The following CYRIB variants were observed in gnomAD, a reference collection of about 807,000 sequenced individuals.
The protein encoded by CYRIB is CYFIP related Rac1 interactor B.
In CYRIB, 8 loss-of-function variants were observed where a neutral mutation model predicts 44.2. The observed-to-expected ratio is 0.18, with a 90% CI of 0.11 to 0.33. The LOEUF (loss-of-function observed/expected upper bound fraction) is 0.33, where lower values mean the gene tolerates loss of function less well. Ranked by LOEUF, CYRIB falls within the 10% of genes least tolerant of loss-of-function variation. The probability of loss-of-function intolerance (pLI) is 1.00; values close to 1 mark genes in which losing one functional copy is unlikely to be tolerated. For missense variants in CYRIB, 185 were observed against 382.8 expected (o/e 0.48, Z 4.31); for synonymous variants, 131 against 127.2 (o/e 1.03, Z -0.20).
At chr8:129,841,654 A>G (rs578240102) in exon 12 of CYRIB, 2 of 153,448 alleles carry the variant, frequency 1.3e-5, no homozygotes, top group African/African-American at 2.4e-5. Context: ...CAAAAGTATT[A>G]CTAATTTAAA....
intron 1 of CYRIB, among the ~76,000 whole-genome samples, chr8:129,980,846 T>C (rs116278071): frequency 0.014 from 2,105 of 151,788 alleles, 56 homozygotes; most frequent in African/African-American, 0.048. Flanking sequence ...TAGCTGGTCG[T>C]GGTGGTGCAC....
intron 1 of CYRIB, among the ~76,000 whole-genome samples, chr8:129,930,453 T>C (rs2090774397): frequency 7.0e-6 from 1 of 143,024 alleles, no homozygotes; most frequent in Non-Finnish European, 1.5e-5. Context: ...AAAACTTTAG[T>C]TTTAATAAAA....
At chr8:129,869,581 A>C (rs143941142) in intron 4 of CYRIB, among the ~76,000 whole-genome samples, 1 of 152,294 alleles carries the variant, frequency 6.6e-6, no homozygotes, top group Non-Finnish European at 1.5e-5. Context: ...TAAATCATTT[A>C]AATCTTTCAC....
intron 1 of CYRIB, among the ~76,000 whole-genome samples, chr8:130,011,446 G>A (rs772129261): frequency 1.3e-5 from 2 of 151,894 alleles, no homozygotes; most frequent in Non-Finnish European, 2.9e-5. Context: ...GCTTGAACCC[G>A]GGAGGCAGAG....
At chr8:129,843,097 G>C (rs1345694630) in intron 11 of CYRIB, among the ~76,000 whole-genome samples, 3 of 152,196 alleles carry the variant, frequency 2.0e-5, no homozygotes, top group African/African-American at 7.2e-5. Flanking sequence ...CACTGTTCAA[G>C]GAGCTTACAA....
intron 2 of CYRIB, among the ~76,000 whole-genome samples, chr8:129,951,577 G>A (rs901045624): frequency 1.3e-5 from 2 of 151,916 alleles, no homozygotes; most frequent in Admixed American, 6.6e-5. Flanking sequence ...GTGGTGGCAC[G>A]TGCCTGTAAT....
chr8:130,011,238 C>T (rs2097206222), intron 1 of CYRIB, among the ~76,000 whole-genome samples: 3 of 152,098 alleles, frequency 2.0e-5, no homozygotes, highest in East Asian at 1.9e-4. Context: ...AACGCTGAGG[C>T]GGCCAGGCGT....
At chr8:129,963,910 A>C (rs1445341161) in intron 2 of CYRIB, among the ~76,000 whole-genome samples, 2 of 152,206 alleles carry the variant, frequency 1.3e-5, no homozygotes, top group African/African-American at 2.4e-5. Flanking sequence ...CTTCTTGACC[A>C]TTTGGATTTC....
chr8:129,971,607 C>A (rs2095694072), intron 1 of CYRIB, among the ~76,000 whole-genome samples: 1 of 152,136 alleles, frequency 6.6e-6, no homozygotes, highest in South Asian at 2.1e-4. Flanking sequence ...TCCTTAGGAG[C>A]ATATATGGTG....
intron 2 of CYRIB, among the ~76,000 whole-genome samples, chr8:129,946,037 A>G (rs966940110): frequency 4.6e-5 from 7 of 152,252 alleles, no homozygotes; most frequent in Admixed American, 3.3e-4. Flanking sequence ...AAGACTGTAT[A>G]AGAAAATACT....
intron 2 of CYRIB, among the ~76,000 whole-genome samples, chr8:129,894,846 G>C (rs2067126213): frequency 6.6e-6 from 1 of 151,614 alleles, no homozygotes; most frequent in East Asian, 1.9e-4. Context: ...GAAATATCCA[G>C]AGTGGTAAGT....
At chr8:129,976,282 C>T (rs1343506729) in intron 1 of CYRIB, among the ~76,000 whole-genome samples, 2 of 152,164 alleles carry the variant, frequency 1.3e-5, no homozygotes, top group Middle Eastern at 3.4e-3. Context: ...CGCTTTATTG[C>T]TTTATTTAAT....
rs559331203 is a variant in CYRIB at position 129,949,646 on chromosome 8, T to A, written c.-243+21297A>T. Among the ~76,000 whole-genome samples, 4 of 151,818 alleles carry A rather than the reference T, an allele frequency of 2.6e-5. No homozygotes were observed. In the South Asian group the frequency reaches 8.3e-4, roughly 32 times the overall value. ...ACTTTGGGAGGCCGAGGTGGGCAGA[T>A]CATTTGAGGTCGGGAGTTCGAGACC... On this transcript the variant is annotated intron_variant, in intron 2 of 14. Transcript: ENST00000401979.
intron 1 of CYRIB, among the ~76,000 whole-genome samples, chr8:129,910,041 C>T (rs1287275909): frequency 2.6e-5 from 4 of 152,198 alleles, no homozygotes; most frequent in African/African-American, 9.7e-5. Context: ...CTGGACAAGA[C>T]CATGCTGTAA....
chr8:129,969,625 A>C (rs1469744205), intron 2 of CYRIB, among the ~76,000 whole-genome samples: 1 of 152,236 alleles, frequency 6.6e-6, no homozygotes, highest in Non-Finnish European at 1.5e-5. Context: ...GAGACAAACA[A>C]ACCATCTTTC....
chr8:129,876,296 GGAGGTCAAAGCTGCAGT>G (rs2059107671), intron 3 of CYRIB, among the ~76,000 whole-genome samples: 1 of 151,722 alleles, frequency 6.6e-6, no homozygotes, highest in Non-Finnish European at 1.5e-5. Flanking sequence ...CTTCAGCCTG[GGAGGTCAAAGCTGCAGT>G]GAGCTGAGAT....
At chr8:129,908,951 T>TA (rs5895012) in intron 1 of CYRIB, among the ~76,000 whole-genome samples, 28,069 of 151,974 alleles carry the variant, frequency 0.18, 2,780 homozygotes, top group Non-Finnish European at 0.21. Flanking sequence ...ATAAAGATTT[T>TA]AAAAAAATGT....
At chr8:129,926,607 A>G (rs80187459) in intron 1 of CYRIB, among the ~76,000 whole-genome samples, 2,332 of 152,334 alleles carry the variant, frequency 0.015, 71 homozygotes, top group African/African-American at 0.053. Context: ...ATGGGATGTG[A>G]TCTACACTAG....
intron 5 of CYRIB, among the ~76,000 whole-genome samples, chr8:129,859,509 G>A (rs1432545819): frequency 2.6e-5 from 4 of 152,052 alleles, no homozygotes; most frequent in African/African-American, 2.4e-5. Flanking sequence ...GCTAAGTAGC[G>A]GGTGTTTTTC....
Sources: allele counts gnomAD v4.1 joint callset (sites outside exome capture counted in the v4.1 genomes callset), GRCh38; gene constraint gnomAD v4.1.1; transcripts MANE v1.5; gene names NCBI Gene and HGNC (gene_info 2026-07-23, HGNC 2026-07-21).